The following MPRIP variants were observed in gnomAD, a reference collection of about 807,000 sequenced individuals.
The protein encoded by MPRIP is myosin phosphatase Rho interacting protein.
A neutral mutation model predicts 234.9 loss-of-function variants in MPRIP; 59 were observed. That is an observed-to-expected ratio of 0.25 (90% CI 0.20 to 0.31). The LOEUF (loss-of-function observed/expected upper bound fraction) is 0.31, where lower values mean the gene tolerates loss of function less well. MPRIP is among the 10% of genes least tolerant of loss of function. MPRIP has a pLI of 1.00. For synonymous variants in MPRIP, 1,144 were observed against 1,263.9 expected (o/e 0.91, Z 2.01); for missense variants, 2,436 against 3,071.0 (o/e 0.79, Z 4.89).
chr17:17,073,646 CAG>C (rs2089255568), intron 1 of MPRIP, among the ~76,000 whole-genome samples: 1 of 152,076 alleles, frequency 6.6e-6, no homozygotes, highest in Admixed American at 6.5e-5. Context: ...CAGATACACA[CAG>C]GGAGTTGTCC....
chr17:17,175,470 A>T, intron 20 of MPRIP, 58 bp downstream of exon 20: 4 of 1,500,898 alleles, frequency 2.7e-6, no homozygotes, highest in Non-Finnish European at 2.7e-6. Flanking sequence ...ACCCCAGGGG[A>T]GTGCAGCATG....
rs1202442278 is a variant in MPRIP at position 17,189,537 on chromosome 17, G to GAGAA, written c.*4649_*4652dup. On this transcript the variant is annotated 3_prime_UTR_variant, in exon 24 of 24. Transcript: ENST00000651222. ...AACTGTGACCCCTTTGTCACTAAGG[G>GAGAA]AGAAAGAAATTAAGTATTGTCAAAG... 2.0e-5 allele frequency: 3 copies of GAGAA among 152,116 alleles called. No homozygotes were observed. Among genetic ancestry groups the GAGAA allele is most frequent in the Non-Finnish European group, 2.9e-5 (2 of 68,024 alleles). The allele number at this position is 152,116 out of a possible 1,614,324, so 9.4% of individuals were successfully genotyped here.
At chr17:17,174,546 G>A (rs2046212730) in intron 19 of MPRIP, among the ~76,000 whole-genome samples, 1 of 152,154 alleles carries the variant, frequency 6.6e-6, no homozygotes, top group Non-Finnish European at 1.5e-5. Flanking sequence ...CTTAAGATTT[G>A]CTTGCTCTGT....
chr17:17,102,046 TTA>T (rs2089973072), intron 3 of MPRIP, among the ~76,000 whole-genome samples: 1 of 152,110 alleles, frequency 6.6e-6, no homozygotes, highest in African/African-American at 2.4e-5. Context: ...ATTTTTTTTT[TTA>T]ATTTTTTTTA....
chr17:17,179,889 G>T, intron 22 of MPRIP, 114 bp from the exon 23 acceptor site: 3 of 819,496 alleles, frequency 3.7e-6, no homozygotes, highest in Non-Finnish European at 4.0e-6. Context: ...TTAAGGAATT[G>T]TCCTAAGTAT....
At chr17:17,068,949 C>T (rs934536808) in intron 1 of MPRIP, among the ~76,000 whole-genome samples, 1 of 152,052 alleles carries the variant, frequency 6.6e-6, no homozygotes, top group Admixed American at 6.5e-5. Context: ...GAGACCTTTC[C>T]TCTTTTCTAA....
rs376349742 is a variant in MPRIP at position 17,142,664 on chromosome 17, A to G, written c.1288A>G (p.Ile430Val). The G allele has an allele frequency of 1.6e-5, 25 of 1,611,922 alleles. No homozygotes were observed. Among genetic ancestry groups the G allele is most frequent in the Non-Finnish European group, 1.9e-5 (22 of 1,179,996 alleles). Reference protein sequence around the residue: ...QVIEKFEALDIEKAEHMETNA... With the variant: ...QVIEKFEALDVEKAEHMETNA... ...GATTGAAAAGTTTGAGGCCTTGGAC[A>G]TTGAGAAGGCAGAGCACATGGAGAC... is the stretch of plus-strand genomic sequence containing the variant. The change falls in exon 8 of 24, where the codon ATT becomes GTT. Residue 430 changes from isoleucine to valine, a missense_variant. Ile to Val is a conservative substitution (Grantham distance 29). Transcript: ENST00000651222.
intron 7 of MPRIP, among the ~76,000 whole-genome samples, chr17:17,141,095 C>G (rs970859303): frequency 6.6e-6 from 1 of 152,220 alleles, no homozygotes; most frequent in South Asian, 2.1e-4. Flanking sequence ...CACGACTCCT[C>G]TGTCTGGATC....
chr17:17,123,703 CAAAAAAAAAAA>C (rs371753802), intron 3 of MPRIP, among the ~76,000 whole-genome samples: 6 of 59,284 alleles, frequency 1.0e-4, no homozygotes, highest in Admixed American at 1.8e-4. Context: ...GACTTCGTCT[CAAAAAAAAAAA>C]AAAAAAAAAA....
At chr17:17,130,788 G>GC (rs1340583605) in intron 4 of MPRIP, among the ~76,000 whole-genome samples, 1 of 152,156 alleles carries the variant, frequency 6.6e-6, no homozygotes, top group Non-Finnish European at 1.5e-5. Flanking sequence ...CCGTCGTCTA[G>GC]CCCCCACAGG....
chr17:17,067,790 C>CTTTTTTTTTTTTTTTTTTTTTTTTTTCT (rs35187618), intron 1 of MPRIP, among the ~76,000 whole-genome samples: 1 of 76,748 alleles, frequency 1.3e-5, no homozygotes, highest in Admixed American at 1.6e-4. Flanking sequence ...CTTCTTCTTC[C>CTTTTTTTTTTTTTTTTTTTTTTTTTTCT]TTTTTTTTTT....
At chr17:17,154,700 A>G (rs1340390947) in intron 13 of MPRIP, among the ~76,000 whole-genome samples, 12 of 152,236 alleles carry the variant, frequency 7.9e-5, no homozygotes. Flanking sequence ...CATCTGTGTC[A>G]GCAGGCACTT....
intron 1 of MPRIP, among the ~76,000 whole-genome samples, chr17:17,056,460 G>T (rs544540141): frequency 1.3e-5 from 2 of 152,188 alleles, no homozygotes; most frequent in African/African-American, 2.4e-5. Context: ...AGGGGCAGGG[G>T]CCGGGGCTGG....
chr17:17,125,337 C>A (rs112009164), intron 3 of MPRIP, among the ~76,000 whole-genome samples: 6 of 152,236 alleles, frequency 3.9e-5, no homozygotes, highest in African/African-American at 1.2e-4. Flanking sequence ...GTGCCACCTC[C>A]CTTCTGAGCT....
intron 1 of MPRIP, among the ~76,000 whole-genome samples, chr17:17,064,543 G>A (rs922157718): frequency 5.9e-5 from 9 of 152,054 alleles, no homozygotes; most frequent in East Asian, 1.9e-4. Flanking sequence ...TGTCTCCATC[G>A]CCTTCTCCCT....
intron 1 of MPRIP, among the ~76,000 whole-genome samples, chr17:17,074,654 C>T (rs2089285398): frequency 6.6e-6 from 1 of 152,212 alleles, no homozygotes; most frequent in South Asian, 2.1e-4. Context: ...TCCTTTCCTC[C>T]AGTCCCTGGC....
intron 12 of MPRIP, among the ~76,000 whole-genome samples, chr17:17,153,669 C>G (rs2045659893): frequency 6.6e-6 from 1 of 151,666 alleles, no homozygotes; most frequent in Non-Finnish European, 1.5e-5. Flanking sequence ...ACCCAACCAG[C>G]CAGACGCTGT....
intron 1 of MPRIP, among the ~76,000 whole-genome samples, chr17:17,061,622 G>C (rs2143931026): frequency 6.6e-6 from 1 of 152,326 alleles, no homozygotes; most frequent in Non-Finnish European, 1.5e-5. Flanking sequence ...GCCCAGAGTT[G>C]GGGCATCAGC....
intron 5 of MPRIP, among the ~76,000 whole-genome samples, chr17:17,132,830 T>C (rs2090623904): frequency 2.0e-5 from 3 of 151,870 alleles, no homozygotes; most frequent in Admixed American, 1.3e-4. Flanking sequence ...AAATACAGAG[T>C]GGTTCCTGGG....
Sources: gnomAD v4.1 joint callset for allele counts (sites outside exome capture counted in the v4.1 genomes callset) on GRCh38, gnomAD v4.1.1 for gene constraint, MANE v1.5 for transcripts, NCBI Gene and HGNC (gene_info 2026-07-23, HGNC 2026-07-21) for gene names.